The following DLG2 variants were observed in gnomAD, a reference collection of about 807,000 sequenced individuals.
The protein encoded by DLG2 is disks large homolog 2.
Under a neutral mutation model 132.5 loss-of-function variants are expected in DLG2, and 45 were observed. The ratio of observed to expected loss-of-function variants is 0.34; its 90% CI spans 0.27 to 0.44. The LOEUF (loss-of-function observed/expected upper bound fraction) is 0.44, where lower values mean the gene tolerates loss of function less well. Among genes scored for constraint, DLG2 ranks in the 20% least tolerant of loss-of-function variants. The probability of loss-of-function intolerance (pLI) is 1.00; values close to 1 mark genes in which losing one functional copy is unlikely to be tolerated. For missense variants in DLG2, 1,045 were observed against 1,196.9 expected, an observed-to-expected ratio of 0.87 and a Z score of 1.87; for synonymous variants, 424 against 419.6, an observed-to-expected ratio of 1.01 and a Z score of -0.13.
At chr11:85,217,654 G>T (rs1464839802) in intron 4 of DLG2, among the ~76,000 whole-genome samples, 2 of 152,118 alleles carry the variant, frequency 1.3e-5, no homozygotes, top group Admixed American at 1.3e-4. Flanking sequence ...TACTCCAGTT[G>T]AAACCACTCA....
intron 2 of DLG2, among the ~76,000 whole-genome samples, chr11:85,604,207 C>T (rs2080360296): frequency 6.6e-6 from 1 of 152,122 alleles, no homozygotes; most frequent in African/African-American, 2.4e-5. Flanking sequence ...TTTAAAAGGT[C>T]GTATATAATC....
At chr11:84,854,750 C>G (rs141327683) in intron 6 of DLG2, among the ~76,000 whole-genome samples, 1 of 151,920 alleles carries the variant, frequency 6.6e-6, no homozygotes, top group East Asian at 1.9e-4. Flanking sequence ...CAAGTTCAAA[C>G]CGTGTATTAA....
chr11:85,263,803 C>T (rs924252661), intron 4 of DLG2, among the ~76,000 whole-genome samples: 1 of 152,114 alleles, frequency 6.6e-6, no homozygotes, highest in African/African-American at 2.4e-5. Context: ...GGGGAGAGGT[C>T]CCCATACGGG....
chr11:84,847,479 C>A (rs2081620718), intron 6 of DLG2, among the ~76,000 whole-genome samples: 1 of 151,898 alleles, frequency 6.6e-6, no homozygotes, highest in Non-Finnish European at 1.5e-5. Flanking sequence ...CAATAAATAC[C>A]AATAGCTATG....
At chr11:85,554,399 C>A (rs1174184274) in intron 3 of DLG2, among the ~76,000 whole-genome samples, 1 of 151,668 alleles carries the variant, frequency 6.6e-6, no homozygotes, top group Non-Finnish European at 1.5e-5. Context: ...ACAGGCTGGG[C>A]AAGTTGCTGG....
intron 7 of DLG2, among the ~76,000 whole-genome samples, chr11:84,418,269 G>A (rs987135003): frequency 6.6e-5 from 10 of 152,126 alleles, no homozygotes; most frequent in Admixed American, 5.9e-4. Context: ...AGAATACAAC[G>A]TTATTTTCTA....
At chr11:83,850,157 TGTG>T (rs1565335534) in intron 16 of DLG2, among the ~76,000 whole-genome samples, 24 of 124,418 alleles carry the variant, frequency 1.9e-4, no homozygotes, top group African/African-American at 5.9e-4. Context: ...TGTGTGTGTG[TGTG>T]TTTTTTTACT....
chr11:85,146,382 T>C (rs995654769), intron 5 of DLG2, among the ~76,000 whole-genome samples: 1 of 152,080 alleles, frequency 6.6e-6, no homozygotes, highest in Non-Finnish European at 1.5e-5. Context: ...CCAAGGTCCA[T>C]GGCTACTCTT....
chr11:83,920,508 T>C (rs2077675696), intron 15 of DLG2, among the ~76,000 whole-genome samples: 2 of 152,152 alleles, frequency 1.3e-5, no homozygotes, highest in African/African-American at 2.4e-5. Context: ...GGACTCACTA[T>C]TAAGTTATGA....
chr11:84,643,999 T>C (rs1312056521), intron 6 of DLG2, among the ~76,000 whole-genome samples: 2 of 152,206 alleles, frequency 1.3e-5, no homozygotes, highest in African/African-American at 2.4e-5. Flanking sequence ...AAACAGTCAG[T>C]ATCTTGCCCA....
chr11:83,623,430 A>T (rs1335042568), intron 19 of DLG2, among the ~76,000 whole-genome samples: 1 of 152,236 alleles, frequency 6.6e-6, no homozygotes, highest in Non-Finnish European at 1.5e-5. Flanking sequence ...TAATTGATTC[A>T]GCAGTTACTA....
intron 17 of DLG2, chr11:83,790,439 G>C: frequency 9.0e-7 from 1 of 1,112,352 alleles, no homozygotes; most frequent in South Asian, 1.3e-5. Context: ...TCCTTGTTTT[G>C]CAAGATCTTT....
At chr11:83,839,669 G>A (rs1452045169) in intron 16 of DLG2, among the ~76,000 whole-genome samples, 1 of 152,136 alleles carries the variant, frequency 6.6e-6, no homozygotes, top group Non-Finnish European at 1.5e-5. Flanking sequence ...AAGTATAGTA[G>A]TATACATTGA....
At chr11:85,345,493 G>C (rs1347195966) in intron 3 of DLG2, among the ~76,000 whole-genome samples, 1 of 152,188 alleles carries the variant, frequency 6.6e-6, no homozygotes, top group East Asian at 1.9e-4. Flanking sequence ...ACAACCCTCT[G>C]AGAAATCTGA....
intron 6 of DLG2, among the ~76,000 whole-genome samples, chr11:84,979,518 A>G (rs1212359462): frequency 6.6e-6 from 1 of 152,112 alleles, no homozygotes; most frequent in Non-Finnish European, 1.5e-5. Context: ...GGACATGGAT[A>G]AAGCTGGAAA....
chr11:85,343,456 C>G lies in DLG2; in HGVS notation c.41-58091G>C, dbSNP rs972049295. ...CATTTTTGTATTTCCAGATTTAATA[C>G]CATGCCTGACTCATGGTCAAGTTTT... On this transcript the variant is annotated intron_variant, in intron 3 of 27. Transcript: ENST00000376104. 2.6e-5 allele frequency among the ~76,000 whole-genome samples: 4 copies of G among 152,080 alleles called. No individual in the cohort carries two copies. The East Asian group carries it at 7.7e-4, about 29-fold the overall frequency.
chr11:84,746,364 C>G (rs1013830287), intron 6 of DLG2, among the ~76,000 whole-genome samples: 3 of 150,348 alleles, frequency 2.0e-5, no homozygotes, highest in African/African-American at 7.3e-5. Context: ...AATTAATATG[C>G]TGTATTATTT....
intron 5 of DLG2, among the ~76,000 whole-genome samples, chr11:85,125,859 C>A (rs2075043338): frequency 6.6e-6 from 1 of 151,818 alleles, no homozygotes; most frequent in East Asian, 1.9e-4. Flanking sequence ...AAAAGGAACA[C>A]AGTTCCTTTC....
At chr11:85,391,825 A>T (rs1401661922) in intron 3 of DLG2, among the ~76,000 whole-genome samples, 1 of 152,184 alleles carries the variant, frequency 6.6e-6, no homozygotes, top group Non-Finnish European at 1.5e-5. Flanking sequence ...ACCCACAGTG[A>T]ATAATATACT....
Sources: gnomAD v4.1 joint callset for allele counts (sites outside exome capture counted in the v4.1 genomes callset) on GRCh38, gnomAD v4.1.1 for gene constraint, MANE v1.5 for transcripts, NCBI Gene and HGNC (gene_info 2026-07-23, HGNC 2026-07-21) for gene names.